RBFOX2: variants seen among roughly 807,000 people sequenced by gnomAD.
RBFOX2 encodes RNA binding fox-1 homolog 2.
Under a neutral mutation model 49.1 loss-of-function variants are expected in RBFOX2, and 10 were observed. The observed-to-expected ratio is 0.20, with a 90% CI of 0.13 to 0.35. The LOEUF (loss-of-function observed/expected upper bound fraction) is 0.35, where lower values mean the gene tolerates loss of function less well. RBFOX2 is among the 10% of genes least tolerant of loss of function. The probability of loss-of-function intolerance (pLI) is 1.00; values close to 1 mark genes in which losing one functional copy is unlikely to be tolerated. For synonymous variants in RBFOX2, 183 were observed against 187.4 expected, an observed-to-expected ratio of 0.98 and a Z score of 0.19; for missense variants, 323 against 486.9, an observed-to-expected ratio of 0.66 and a Z score of 3.17.
At chr22:35,961,865 TACCCTCCTCTCAACCCC>T, upstream of RBFOX2, among the ~76,000 whole-genome samples, 1 of 152,246 alleles carries the variant, frequency 6.6e-6, no homozygotes, top group East Asian at 1.9e-4. Flanking sequence ...TCCAACATTG[TACCCTCCTCTCAACCCC>T]ACCCAAAAGT....
intron 2 of RBFOX2, among the ~76,000 whole-genome samples, chr22:35,803,889 G>C (rs957628973): frequency 2.6e-5 from 4 of 152,126 alleles, no homozygotes; most frequent in Non-Finnish European, 4.4e-5. Flanking sequence ...AAGGAAAAAA[G>C]ATCCAAGAAA....
chr22:35,753,182 T>C (rs1356509134), intron 9 of RBFOX2, among the ~76,000 whole-genome samples: 1 of 152,240 alleles, frequency 6.6e-6, no homozygotes, highest in Non-Finnish European at 1.5e-5. Flanking sequence ...TTCCTTCTAT[T>C]TCTAATATGC....
At chr22:35,938,295 T>C (rs1340270156) in intron 1 of RBFOX2, among the ~76,000 whole-genome samples, 2 of 152,198 alleles carry the variant, frequency 1.3e-5, no homozygotes, top group Non-Finnish European at 2.9e-5. Context: ...GGGTGTCTCG[T>C]AGGAAGCAAT....
At chr22:36,004,441 G>GAC (rs1395027517) in intron 1 of RBFOX2, among the ~76,000 whole-genome samples, 1 of 152,054 alleles carries the variant, frequency 6.6e-6, no homozygotes, top group East Asian at 1.9e-4. Flanking sequence ...TCAGTTTATT[G>GAC]ACACTTGGCA....
At chr22:35,854,212 C>CTAA (rs145238669) in intron 1 of RBFOX2, among the ~76,000 whole-genome samples, 10,417 of 150,948 alleles carry the variant, frequency 0.069, 376 homozygotes, top group South Asian at 0.085. Context: ...AACTCTGTCT[C>CTAA]TAATAATAAT....
intron 1 of RBFOX2, among the ~76,000 whole-genome samples, chr22:35,870,949 G>T (rs2044284255): frequency 6.6e-6 from 1 of 152,108 alleles, no homozygotes; most frequent in African/African-American, 2.4e-5. Context: ...TGCCACATTA[G>T]AATTAGCACC....
intron 1 of RBFOX2, among the ~76,000 whole-genome samples, chr22:35,946,000 T>C (rs557825493): frequency 6.6e-6 from 1 of 151,912 alleles, no homozygotes; most frequent in Non-Finnish European, 1.5e-5. Context: ...CGCTCCCCCC[T>C]TTTTTTTAAA....
At chr22:35,934,287 A>G (rs527326592) in intron 1 of RBFOX2, among the ~76,000 whole-genome samples, 23 of 152,254 alleles carry the variant, frequency 1.5e-4, no homozygotes, top group Admixed American at 7.2e-4. Flanking sequence ...TCAGGAAACT[A>G]AAGAGTAAGC....
intron 9 of RBFOX2, among the ~76,000 whole-genome samples, chr22:35,754,202 C>T (rs1232829736): frequency 6.6e-6 from 1 of 151,764 alleles, no homozygotes; most frequent in Non-Finnish European, 1.5e-5. Flanking sequence ...TGCCATTCTC[C>T]TACATCAGCC....
chr22:35,936,886 A>T (rs2053138972), intron 1 of RBFOX2, among the ~76,000 whole-genome samples: 2 of 152,238 alleles, frequency 1.3e-5, no homozygotes, highest in Non-Finnish European at 2.9e-5. Context: ...AAACTCAGTA[A>T]GTCTATTTCC....
At chr22:35,965,441 CAT>C (rs1844681371), upstream of RBFOX2, among the ~76,000 whole-genome samples, 1 of 152,114 alleles carries the variant, frequency 6.6e-6, no homozygotes, top group African/African-American at 2.4e-5. Context: ...TTGTTCTCCT[CAT>C]AGTCTCCATG....
chr22:35,976,084 C>T (rs1292161844), intron 1 of RBFOX2, among the ~76,000 whole-genome samples: 2 of 152,156 alleles, frequency 1.3e-5, no homozygotes, highest in African/African-American at 2.4e-5. Flanking sequence ...CTTCATGACG[C>T]ATATAATCTT....
intron 4 of RBFOX2, among the ~76,000 whole-genome samples, chr22:35,769,424 G>A (rs1425409566): frequency 2.0e-5 from 3 of 152,086 alleles, no homozygotes; most frequent in Admixed American, 6.5e-5. Flanking sequence ...CGATGTTCAC[G>A]TACTACCAAT....
chr22:35,958,403 A>C (rs1440096891), intron 1 of RBFOX2, among the ~76,000 whole-genome samples: 1 of 152,210 alleles, frequency 6.6e-6, no homozygotes, highest in Non-Finnish European at 1.5e-5. Flanking sequence ...CTATTATTGT[A>C]ACAATTTTTA....
chr22:35,993,391 A>G (rs2058059838), intron 1 of RBFOX2: 1 of 152,206 alleles, frequency 6.6e-6, no homozygotes, highest in African/African-American at 2.4e-5. Context: ...TATGCTCACA[A>G]AGTATTTGAT....
At chr22:35,783,615 G>A (rs1044809607) in intron 2 of RBFOX2, among the ~76,000 whole-genome samples, 17 of 152,008 alleles carry the variant, frequency 1.1e-4, no homozygotes, top group African/African-American at 4.1e-4. Flanking sequence ...CTCCAATCAG[G>A]AAACTCCAGC....
chr22:35,769,623 C>T (rs1942086647), intron 4 of RBFOX2, among the ~76,000 whole-genome samples: 1 of 152,092 alleles, frequency 6.6e-6, no homozygotes, highest in South Asian at 2.1e-4. Context: ...TTGCCAATAA[C>T]TTCATTGTCC....
chr22:35,990,445 C>T (rs1295755613), intron 1 of RBFOX2, among the ~76,000 whole-genome samples: 1 of 152,180 alleles, frequency 6.6e-6, no homozygotes, highest in East Asian at 1.9e-4. Flanking sequence ...GGCCAATGCA[C>T]TGGCTTTCTC....
At chr22:36,024,259 C>T (rs2059347695) in intron 1 of RBFOX2, among the ~76,000 whole-genome samples, 1 of 152,102 alleles carries the variant, frequency 6.6e-6, no homozygotes, top group Non-Finnish European at 1.5e-5. Context: ...AGGATAAATA[C>T]AAAGGAAATA....
Sources: gnomAD v4.1 joint callset for allele counts (sites outside exome capture counted in the v4.1 genomes callset) on GRCh38, gnomAD v4.1.1 for gene constraint, MANE v1.5 for transcripts, NCBI Gene and HGNC (gene_info 2026-07-23, HGNC 2026-07-21) for gene names.